Variants in FMN2 observed in about 807,000 individuals in gnomAD.
FMN2 encodes formin-2.
Under a neutral mutation model 142.3 loss-of-function variants are expected in FMN2, and 51 were observed. The observed-to-expected ratio is 0.36, with a 90% CI of 0.29 to 0.45. The LOEUF (loss-of-function observed/expected upper bound fraction) is 0.45, where lower values mean the gene tolerates loss of function less well. Ranked by LOEUF, FMN2 falls within the 20% of genes least tolerant of loss-of-function variation. The pLI is 1.00. For synonymous variants in FMN2, 882 were observed against 869.8 expected, an observed-to-expected ratio of 1.01 and a Z score of -0.25; for missense variants, 1,936 against 2,122.8, an observed-to-expected ratio of 0.91 and a Z score of 1.73.
chr1:240,136,099 A>C (rs1195902689), intron 2 of FMN2, among the ~76,000 whole-genome samples: 2 of 151,934 alleles, frequency 1.3e-5, no homozygotes, highest in African/African-American at 4.8e-5. Context: ...GTGTTTAAGC[A>C]TATGTATTTT....
intron 6 of FMN2, among the ~76,000 whole-genome samples, chr1:240,244,793 A>G (rs1668024983): frequency 6.6e-6 from 1 of 152,182 alleles, no homozygotes; most frequent in Non-Finnish European, 1.5e-5. Flanking sequence ...AGGATCCTTT[A>G]TTTAAGAAGG....
chr1:240,184,375 T>A (rs560427126), intron 3 of FMN2, among the ~76,000 whole-genome samples: 1 of 150,848 alleles, frequency 6.6e-6, no homozygotes, highest in Admixed American at 6.6e-5. Flanking sequence ...TAGCTGGGAC[T>A]GCAGGTGCCC....
intron 14 of FMN2, among the ~76,000 whole-genome samples, chr1:240,378,389 G>A (rs937569017): frequency 6.6e-6 from 1 of 152,166 alleles, no homozygotes; most frequent in African/African-American, 2.4e-5. Context: ...GACCTCAGGT[G>A]ATCCACCCAC....
At chr1:240,180,704 T>C (rs1456054189) in intron 3 of FMN2, among the ~76,000 whole-genome samples, 1 of 151,586 alleles carries the variant, frequency 6.6e-6, no homozygotes, top group Non-Finnish European at 1.5e-5. Flanking sequence ...GTAGCTGGGA[T>C]TACATGCGCC....
intron 16 of FMN2, among the ~76,000 whole-genome samples, chr1:240,456,935 A>G (rs1483005161): frequency 1.3e-5 from 2 of 152,198 alleles, no homozygotes; most frequent in Admixed American, 6.5e-5. Context: ...AAGGTTCGCT[A>G]TGAAGATTCT....
intron 15 of FMN2, among the ~76,000 whole-genome samples, chr1:240,399,948 C>T (rs1483905073): frequency 6.6e-6 from 1 of 152,158 alleles, no homozygotes; most frequent in Non-Finnish European, 1.5e-5. Flanking sequence ...CTGCCCAGAG[C>T]TCTACAGATC....
chr1:240,472,752 C>G (rs1676852216), intron 17 of FMN2, among the ~76,000 whole-genome samples: 1 of 151,862 alleles, frequency 6.6e-6, no homozygotes, highest in South Asian at 2.1e-4. Context: ...CGAGGCCATC[C>G]TGCCCAACGT....
At chr1:240,185,141 ATAC>A (rs1665371523) in intron 3 of FMN2, among the ~76,000 whole-genome samples, 1 of 94,718 alleles carries the variant, frequency 1.1e-5, no homozygotes, top group African/African-American at 4.7e-5. Context: ...TCTCCCTCCT[ATAC>A]CTTCCCCTTC....
intron 6 of FMN2, among the ~76,000 whole-genome samples, chr1:240,246,803 G>A (rs377662323): frequency 3.3e-5 from 5 of 152,278 alleles, no homozygotes; most frequent in African/African-American, 9.6e-5. Flanking sequence ...ATTAAGAGAC[G>A]TGACATTAAA....
intron 1 of FMN2, among the ~76,000 whole-genome samples, chr1:240,106,395 T>A (rs1311350732): frequency 6.6e-6 from 1 of 152,204 alleles, no homozygotes; most frequent in Non-Finnish European, 1.5e-5. Context: ...CAGGTGCCAA[T>A]TTCATATTGT....
intron 14 of FMN2, among the ~76,000 whole-genome samples, chr1:240,360,146 T>C (rs1192940916): frequency 6.6e-6 from 1 of 152,208 alleles, no homozygotes; most frequent in Non-Finnish European, 1.5e-5. Context: ...TGTTACTAGA[T>C]TTCCCTTGCA....
At chr1:240,448,003 CAG>C (rs1187102259) in intron 16 of FMN2, among the ~76,000 whole-genome samples, 24 of 152,140 alleles carry the variant, frequency 1.6e-4, no homozygotes, top group African/African-American at 5.6e-4. Context: ...GATCGTTATT[CAG>C]AGTGTTCACA....
chr1:240,290,714 G>T (rs1200313004), intron 7 of FMN2, among the ~76,000 whole-genome samples: 1 of 151,250 alleles, frequency 6.6e-6, no homozygotes, highest in Non-Finnish European at 1.5e-5. Flanking sequence ...CTAGACATTG[G>T]CATTTGATAA....
intron 7 of FMN2, among the ~76,000 whole-genome samples, chr1:240,291,356 T>C (rs763852952): frequency 2.0e-5 from 3 of 151,298 alleles, no homozygotes; most frequent in Non-Finnish European, 4.4e-5. Context: ...TAAAACTGCA[T>C]TGTAGACCTG....
At chr1:240,456,219 CA>C (rs1212514442) in intron 16 of FMN2, among the ~76,000 whole-genome samples, 1 of 151,934 alleles carries the variant, frequency 6.6e-6, no homozygotes, top group East Asian at 1.9e-4. Flanking sequence ...TTTTGAGACC[CA>C]AAAACCTCAG....
chr1:240,218,171 T>C (rs1171765052), intron 6 of FMN2, among the ~76,000 whole-genome samples: 1 of 149,422 alleles, frequency 6.7e-6, no homozygotes, highest in Non-Finnish European at 1.5e-5. Context: ...TAGTCCCAGA[T>C]ACTCAGGAGG....
chr1:240,145,642 G>A lies in FMN2; in HGVS notation c.1782+22297G>A, dbSNP rs530450263. Among the ~76,000 whole-genome samples the A allele has an allele frequency of 2.3e-4, 34 of 145,224 alleles. No homozygotes were observed. In the South Asian group the frequency reaches 5.7e-3, roughly 24 times the overall value. On this transcript the variant is annotated intron_variant, in intron 2 of 17. Transcript: ENST00000319653. ...CTGCAGCTTCAGACTGTCGAGTAGC[G>A]AGGACCACAGGCACGTACCACCACA...
chr1:240,322,788 C>T (rs933788123), intron 8 of FMN2, among the ~76,000 whole-genome samples: 6 of 152,234 alleles, frequency 3.9e-5, no homozygotes, highest in African/African-American at 9.6e-5. Flanking sequence ...CTGGCACACA[C>T]GTTCCTGGAA....
At chr1:240,178,106 G>T in intron 3 of FMN2, 38 bp downstream of exon 3, 1 of 1,499,480 alleles carries the variant, frequency 6.7e-7, no homozygotes, top group South Asian at 1.4e-5. Flanking sequence ...AACTGGAAGA[G>T]GCAAGATAGA....
Sources: allele counts gnomAD v4.1 joint callset (sites outside exome capture counted in the v4.1 genomes callset), GRCh38; gene constraint gnomAD v4.1.1; transcripts MANE v1.5; gene names NCBI Gene and HGNC (gene_info 2026-07-23, HGNC 2026-07-21).